The following RAD51D variants were observed in gnomAD, a reference collection of about 807,000 sequenced individuals.
RAD51D encodes the protein DNA repair protein RAD51 homolog 4.
A neutral mutation model predicts 44.1 loss-of-function variants in RAD51D; 38 were observed. The observed-to-expected ratio is 0.86, with a 90% CI of 0.67 to 1.13. The LOEUF is 1.13. Among genes scored for constraint, RAD51D ranks in the 50% most tolerant of loss-of-function variants. The pLI, the probability that RAD51D is intolerant of heterozygous loss-of-function variation, is 0.00. For missense variants in RAD51D, 390 were observed against 414.0 expected (o/e 0.94, Z 0.50); for synonymous variants, 141 against 166.6 (o/e 0.85, Z 1.18).
At position 35,093,239 on chromosome 17, in the gene RAD51D, T is replaced by C. The variant is rs1390547900; in HGVS notation, c.*7714A>G. 6.6e-6 allele frequency: 1 copy of C among 152,226 alleles called. No homozygotes were observed. Among genetic ancestry groups the C allele is most frequent in the Non-Finnish European group, 1.5e-5 (1 of 68,042 alleles). 9.4% of individuals were successfully genotyped at this position (152,226 alleles called of 1,614,324 possible). On this transcript the variant is annotated 3_prime_UTR_variant, in exon 10 of 10. Coordinates refer to ENST00000345365, the MANE Select transcript of RAD51D (RefSeq NM_002878.4). ...TATGAAACAGATATTATTTTTCCCA[T>C]TTCACGGTGGATGAAACTAAGGCTT...
At chr17:35,101,415 C>T (rs548882000) in intron 8 of RAD51D, 50 bp from the exon 9 acceptor site, 4 of 1,565,610 alleles carry the variant, frequency 2.6e-6, no homozygotes, top group East Asian at 2.2e-5. Context: ...TAGAGGACAT[C>T]GATTACTACC....
At chr17:35,106,629 G>A in intron 5 of RAD51D, 148 bp from the exon 6 acceptor site, 1 of 716,724 alleles carries the variant, frequency 1.4e-6, no homozygotes, top group Non-Finnish European at 2.5e-6. Flanking sequence ...TGTCACAGTG[G>A]TGGCTGCCTG....
chr17:35,112,764 T>C (rs1251858964), intron 3 of RAD51D, among the ~76,000 whole-genome samples: 3 of 152,220 alleles, frequency 2.0e-5, no homozygotes, highest in African/African-American at 7.2e-5. Flanking sequence ...GTTGGTCTTG[T>C]ATCCTCACTA....
rs2091462750 is a variant in RAD51D, at chr17:35,092,441, A to T, written c.*8512T>A. 6.6e-6 allele frequency: 1 copy of T among 151,954 alleles called. No homozygotes were observed. Among genetic ancestry groups the T allele is most frequent in the Non-Finnish European group, 1.5e-5 (1 of 68,018 alleles). 9.4% of individuals were successfully genotyped at this position (151,954 alleles called of 1,614,324 possible). The stretch of plus-strand genomic sequence containing the variant: ...TGACCGACCACCTACTATGTGCCAG[A>T]CTCTCTGTGAAAGGCACTTTACATA... On this transcript the variant is annotated 3_prime_UTR_variant, in exon 10 of 10. Transcript: ENST00000345365.
intron 3 of RAD51D, chr17:35,117,111 T>A: frequency 6.8e-7 from 1 of 1,469,100 alleles, no homozygotes; most frequent in Non-Finnish European, 9.3e-7. Flanking sequence ...TACCGTTGCC[T>A]CCCTCGGTGC....
At position 35,100,928 on chromosome 17, in the gene RAD51D, C is replaced by T. The variant is rs2091526607; in HGVS notation, c.*25G>A. On this transcript the variant is annotated 3_prime_UTR_variant, in exon 10 of 10. Transcript: ENST00000345365. Reference sequence around the variant, plus strand: ...AGTTGGGAGGGGTCCCCAATGCTTCCCTGTTTCCCAAACAACAGCACAGGT... The same window carrying T: ...AGTTGGGAGGGGTCCCCAATGCTTCTCTGTTTCCCAAACAACAGCACAGGT... 1 of 1,597,482 alleles carries T rather than the reference C, an allele frequency of 6.3e-7. No homozygotes were observed. Among genetic ancestry groups the T allele is most frequent in the Non-Finnish European group, 8.6e-7 (1 of 1,165,302 alleles).
intron 3 of RAD51D, chr17:35,116,796 G>C: frequency 7.6e-7 from 1 of 1,324,164 alleles, no homozygotes; most frequent in Non-Finnish European, 1.1e-6. Context: ...GCCCGGCCTA[G>C]AATGATGATT....
rs1473355636 is a variant in RAD51D, at chr17:35,100,905, T to C, written c.*48A>G. 6.6e-7 allele frequency: 1 copy of C among 1,508,576 alleles called. No homozygotes were observed. Among genetic ancestry groups the C allele is most frequent in the Admixed American group, 1.7e-5 (1 of 59,850 alleles). The allele number at this position is 1,508,576 out of a possible 1,614,324, so 93.4% of individuals were successfully genotyped here. A position where few individuals can be genotyped will look rare whatever the true frequency, so the allele number is the denominator to read the frequency against. Reference sequence around the variant, plus strand: ...CAGCAGGCGTTACTGGGAAGAAAAGTTGGGAGGGGTCCCCAATGCTTCCCT... The same window carrying C: ...CAGCAGGCGTTACTGGGAAGAAAAGCTGGGAGGGGTCCCCAATGCTTCCCT... On this transcript the variant is annotated 3_prime_UTR_variant, in exon 10 of 10. Coordinates refer to ENST00000345365, the MANE Select transcript of RAD51D (RefSeq NM_002878.4).
At chr17:35,105,659 G>A (rs2142426686) in intron 6 of RAD51D, among the ~76,000 whole-genome samples, 1 of 152,278 alleles carries the variant, frequency 6.6e-6, no homozygotes, top group South Asian at 2.1e-4. Context: ...GAGTAGCAAA[G>A]TGCCAACCCA....
At position 35,103,028 on chromosome 17, in the gene RAD51D, G is replaced by A. The variant is rs1338096469; in HGVS notation, c.738+226C>T. 2.6e-5 allele frequency among the ~76,000 whole-genome samples: 4 copies of A among 151,960 alleles called. No homozygotes were observed. The highest frequency in any genetic ancestry group is 9.7e-5 in the African/African-American group (4 of 41,362). Reference sequence around the variant, plus strand: ...ATGTAAATTATACCTCAATAAACCTGACTAAAAAGAAAAAATGTAGAAACA... The same window carrying A: ...ATGTAAATTATACCTCAATAAACCTAACTAAAAAGAAAAAATGTAGAAACA... On this transcript the variant is annotated intron_variant, in intron 8 of 9. Coordinates refer to ENST00000345365, the MANE Select transcript of RAD51D (RefSeq NM_002878.4). This position sits in a 1 kb window ranked among gnomAD's most constrained non-coding sequence, Gnocchi z 4.1.
At chr17:35,110,831 G>A (rs1164219366) in intron 3 of RAD51D, among the ~76,000 whole-genome samples, 1 of 152,188 alleles carries the variant, frequency 6.6e-6, no homozygotes, top group African/African-American at 2.4e-5. Flanking sequence ...AACAGGCTGG[G>A]CGCGGTGGCT....
intron 3 of RAD51D, chr17:35,115,433 C>A: frequency 2.5e-6 from 1 of 404,608 alleles, no homozygotes. Context: ...CATTGCACCT[C>A]AGCACTAAAG....
rs2142437449 is a variant in RAD51D, at chr17:35,107,446, G to A, written c.265C>T (p.Leu89Phe). ...AGACCAGCATCAAGCAGTTTATCAA[G>A]ACTGATGGCAGAAGAGAAGAAAATC... is the stretch of plus-strand genomic sequence containing the variant. ...TAILSTGIGSLDKLLDAGLYT... is the reference protein window; with the variant it reads ...TAILSTGIGSFDKLLDAGLYT... Residue 89 changes from leucine to phenylalanine, a missense_variant and splice_region_variant, in exon 4 of 10, where the codon CTT (leucine) becomes TTT (phenylalanine). Leu to Phe is a conservative substitution (Grantham distance 22). Transcript: ENST00000345365. 4.5e-6 allele frequency: 7 copies of A among 1,540,378 alleles called. No individual in the cohort carries two copies. The highest frequency in any genetic ancestry group is 6.3e-6 in the Non-Finnish European group (7 of 1,112,990).
intron 3 of RAD51D, among the ~76,000 whole-genome samples, chr17:35,112,970 C>T (rs1020093844): frequency 2.0e-5 from 3 of 152,134 alleles, no homozygotes; most frequent in Admixed American, 1.3e-4. Context: ...ACTTTTATTT[C>T]GCTTCTGTAT....
At chr17:35,119,201 G>A (rs2142478260) in intron 1 of RAD51D, 29 bp from the exon 2 acceptor site, 2 of 1,598,986 alleles carry the variant, frequency 1.3e-6, no homozygotes, top group Non-Finnish European at 1.7e-6. Context: ...TAGCGGATTG[G>A]CAGAGAGGAC....
intron 3 of RAD51D, among the ~76,000 whole-genome samples, chr17:35,114,427 T>A (rs2091713670): frequency 6.6e-6 from 1 of 151,772 alleles, no homozygotes; most frequent in Non-Finnish European, 1.5e-5. Context: ...CTCATACCTG[T>A]CATCTCAACA....
chr17:35,116,882 T>TCGTTCATCGAAAG, intron 3 of RAD51D: 5 of 1,574,726 alleles, frequency 3.2e-6, no homozygotes, highest in Non-Finnish European at 4.3e-6. Flanking sequence ...CCGCAGTGCC[T>TCGTTCATCGAAAG]CGTTCATCGA....
chr17:35,103,523 C>T lies in RAD51D; in HGVS notation c.598G>A (p.Val200Met), dbSNP rs1567726600. 1 of 1,614,226 alleles carries T rather than the reference C, an allele frequency of 6.2e-7. No individual in the cohort carries two copies. Among genetic ancestry groups the T allele is most frequent in the Non-Finnish European group, 8.5e-7 (1 of 1,180,024 alleles). The change falls in exon 7 of 10, where the codon GTG becomes ATG. Residue 200 changes from valine (V) to methionine (M), a missense_variant. Val to Met is a conservative substitution (Grantham distance 21). Transcript: ENST00000345365. This position sits in a 1 kb window ranked among gnomAD's most constrained non-coding sequence, Gnocchi z 4.1. ...AQQVTGSSGT[V>M]KVVVVDSVTA... is the part of the protein sequence containing the mutation. ...ACCGAGTCCACAACCACCACCTTCA[C>T]AGTTCCTGAAGAACCAGTCACCTGA...
At chr17:35,115,942 A>AG (rs2091734374) in intron 3 of RAD51D, among the ~76,000 whole-genome samples, 5 of 143,268 alleles carry the variant, frequency 3.5e-5, no homozygotes, top group African/African-American at 1.1e-4. Context: ...GAAGGAAGAA[A>AG]GAAAAGGAAG....
Sources: gnomAD v4.1 joint callset for allele counts (sites outside exome capture counted in the v4.1 genomes callset) on GRCh38, gnomAD v4.1.1 for gene constraint, Gnocchi (gnomAD v3.1) non-coding constraint, MANE v1.5 for transcripts, NCBI Gene and HGNC (gene_info 2026-07-23, HGNC 2026-07-21) for gene names.